Variants in HMGCLL1 observed in about 807,000 individuals in gnomAD.
HMGCLL1 encodes the protein 3-hydroxy-3-methylglutaryl-CoA lyase like 1.
Under a neutral mutation model 39.1 loss-of-function variants are expected in HMGCLL1, and 36 were observed. The ratio of observed to expected loss-of-function variants is 0.92; its 90% CI spans 0.71 to 1.22. The LOEUF (loss-of-function observed/expected upper bound fraction) is 1.22. HMGCLL1 is among the 50% of genes most tolerant of loss of function. The pLI is 0.00. For missense variants in HMGCLL1, 451 were observed against 416.5 expected (o/e 1.08, Z -0.72); for synonymous variants, 149 against 144.0 (o/e 1.03, Z -0.25).
chr6:55,640,899 C>T, the HMGCLL1 span, among the ~76,000 whole-genome samples: 1 of 151,836 alleles, frequency 6.6e-6, no homozygotes, highest in Non-Finnish European at 1.5e-5. Flanking sequence ...ACACAGTTTT[C>T]ATATGTTCAA....
chr6:55,673,736 A>G, the HMGCLL1 span, among the ~76,000 whole-genome samples: 2 of 151,938 alleles, frequency 1.3e-5, no homozygotes, highest in African/African-American at 4.8e-5. Context: ...TATAATTGCA[A>G]CACTAGTATT....
intron 3 of HMGCLL1, among the ~76,000 whole-genome samples, chr6:55,533,901 G>A (rs200726576): frequency 3.6e-3 from 337 of 93,434 alleles, no homozygotes; most frequent in Non-Finnish European, 5.1e-3. Context: ...AAAAAAAAAA[G>A]AAGTTACAAC....
At chr6:55,543,195 T>A (rs866647287) in intron 1 of HMGCLL1, among the ~76,000 whole-genome samples, 125 of 12,188 alleles carry the variant, frequency 0.01, 5 homozygotes, top group South Asian at 0.03. Context: ...TATAATATAT[T>A]ATATATTATA....
chr6:55,544,622 C>T (rs1435037211), intron 1 of HMGCLL1, among the ~76,000 whole-genome samples: 1 of 152,014 alleles, frequency 6.6e-6, no homozygotes, highest in African/African-American at 2.4e-5. Context: ...GAATGCAGAA[C>T]CAAATTCAAG....
intron 7 of HMGCLL1, among the ~76,000 whole-genome samples, chr6:55,452,212 C>A (rs1412838638): frequency 1.3e-5 from 2 of 152,138 alleles, no homozygotes; most frequent in African/African-American, 2.4e-5. Context: ...TTGGAAGTGC[C>A]TCTCATAAAG....
intron 3 of HMGCLL1, among the ~76,000 whole-genome samples, chr6:55,517,163 G>A (rs946222305): frequency 2.0e-5 from 3 of 151,960 alleles, no homozygotes; most frequent in South Asian, 2.1e-4. Flanking sequence ...GTATTACCAC[G>A]TTTTCATATG....
chr6:55,627,049 G>GAAAAAAAAAA, the HMGCLL1 span, among the ~76,000 whole-genome samples: 1 of 85,808 alleles, frequency 1.2e-5, no homozygotes, highest in Non-Finnish European at 2.2e-5. Flanking sequence ...CACTCCACCA[G>GAAAAAAAAAA]AAAAAAAAAA....
chr6:55,567,086 A>G (rs2127473900), intron 1 of HMGCLL1, among the ~76,000 whole-genome samples: 1 of 152,264 alleles, frequency 6.6e-6, no homozygotes, highest in South Asian at 2.1e-4. Context: ...ACCAGTGCTA[A>G]TATTATACAT....
chr6:55,543,004 TTATAA>T (rs1240271411), intron 1 of HMGCLL1, among the ~76,000 whole-genome samples: 12 of 117,562 alleles, frequency 1.0e-4, no homozygotes, highest in Admixed American at 3.1e-4. Context: ...TTATAAATTA[TTATAA>T]TATATCATAT....
intron 6 of HMGCLL1, among the ~76,000 whole-genome samples, chr6:55,497,089 T>A (rs1220351205): frequency 6.6e-6 from 1 of 152,150 alleles, no homozygotes; most frequent in Non-Finnish European, 1.5e-5. Context: ...TTAAGCTGAA[T>A]AATGTTACTT....
At chr6:55,443,607 C>CCAGTATTACCA (rs1463802419) in intron 7 of HMGCLL1, among the ~76,000 whole-genome samples, 1 of 151,912 alleles carries the variant, frequency 6.6e-6, no homozygotes, top group Non-Finnish European at 1.5e-5. Context: ...AATAGAGAAA[C>CCAGTATTACCA]CAGTATTACC....
chr6:55,637,038 A>C, the HMGCLL1 span, among the ~76,000 whole-genome samples: 1 of 152,192 alleles, frequency 6.6e-6, no homozygotes, highest in Admixed American at 6.6e-5. Flanking sequence ...CCAGCTAAAA[A>C]ATAAAAACAA....
At chr6:55,642,052 TC>T in the HMGCLL1 span, among the ~76,000 whole-genome samples, 2 of 82,322 alleles carry the variant, frequency 2.4e-5, no homozygotes, top group African/African-American at 4.6e-5. Flanking sequence ...ATGCTATCCC[TC>T]CCCCCTCCCC....
intron 7 of HMGCLL1, among the ~76,000 whole-genome samples, chr6:55,488,767 T>C (rs189439372): frequency 6.6e-6 from 1 of 152,204 alleles, no homozygotes. Flanking sequence ...ATAAGTCTGG[T>C]ATTCTAAACT....
the HMGCLL1 span, among the ~76,000 whole-genome samples, chr6:55,627,881 T>TTATATATATATA: frequency 6.9e-5 from 3 of 43,482 alleles, no homozygotes; most frequent in African/African-American, 9.9e-5. Context: ...ATAAACTCCC[T>TTATATATATATA]TATATATATA....
intron 1 of HMGCLL1, among the ~76,000 whole-genome samples, chr6:55,551,349 G>A (rs1770317000): frequency 6.6e-6 from 1 of 151,834 alleles, no homozygotes; most frequent in Non-Finnish European, 1.5e-5. Flanking sequence ...ATTCCCTGTG[G>A]TTATTTCTCA....
intron 7 of HMGCLL1, among the ~76,000 whole-genome samples, chr6:55,473,852 C>T (rs1415217326): frequency 2.6e-5 from 4 of 151,350 alleles, no homozygotes; most frequent in Non-Finnish European, 5.9e-5. Flanking sequence ...TACTTCACTT[C>T]TGAAGAGTAA....
chr6:55,496,482 G>A (rs1362958384), intron 6 of HMGCLL1, among the ~76,000 whole-genome samples: 1 of 152,070 alleles, frequency 6.6e-6, no homozygotes. Context: ...TGCTATTCCA[G>A]TGAGCTCCAG....
chr6:55,444,528 A>G (rs538673949), intron 7 of HMGCLL1, among the ~76,000 whole-genome samples: 1 of 152,150 alleles, frequency 6.6e-6, no homozygotes, highest in Non-Finnish European at 1.5e-5. Flanking sequence ...ATTTAACTGC[A>G]TGATTAAGGG....
Sources: allele counts gnomAD v4.1 joint callset (sites outside exome capture counted in the v4.1 genomes callset), GRCh38; gene constraint gnomAD v4.1.1; transcripts MANE v1.5; gene names NCBI Gene and HGNC (gene_info 2026-07-23, HGNC 2026-07-21).